Variants in CPS1 observed in about 807,000 individuals in gnomAD.
The protein encoded by CPS1 is carbamoyl-phosphate synthase 1.
In CPS1, 109 loss-of-function variants were observed where a neutral mutation model predicts 174.6. The observed-to-expected ratio is 0.62, with a 90% CI of 0.53 to 0.73. The LOEUF is 0.73. Ranked by LOEUF, CPS1 falls within the 30% of genes least tolerant of loss-of-function variation. CPS1 has a pLI of 0.00. For synonymous variants in CPS1, 637 were observed against 632.0 expected (o/e 1.01, Z -0.12); for missense variants, 1,689 against 1,821.9 (o/e 0.93, Z 1.33).
At chr2:210,648,636 G>A (rs983174104) in intron 27 of CPS1, 96 bp downstream of exon 27, 1 of 983,328 alleles carries the variant, frequency 1.0e-6, no homozygotes, top group South Asian at 1.3e-5. Flanking sequence ...TCTATATGTA[G>A]TAATTTATAA....
intron 1 of CPS1, among the ~76,000 whole-genome samples, chr2:210,506,433 A>G (rs972515124): frequency 1.4e-4 from 21 of 152,042 alleles, no homozygotes; most frequent in Non-Finnish European, 4.4e-5. Flanking sequence ...AAAGATGGGG[A>G]AAAAACAGAG....
At chr2:210,622,366 A>G (rs995307599) in intron 21 of CPS1, among the ~76,000 whole-genome samples, 2 of 151,864 alleles carry the variant, frequency 1.3e-5, no homozygotes, top group Non-Finnish European at 2.9e-5. Flanking sequence ...AATATATTAA[A>G]TATATGTAAA....
chr2:210,639,618 C>CAAAAA lies in CPS1; in HGVS notation c.2896-356_2896-352dup, dbSNP rs397987630. Reference sequence around the variant, plus strand: ...TGGGCGACAGAGCGAGACTCCGTCTCAAAAAAAAAAAAAAAAAAAAAAAAA... The same window carrying CAAAAA: ...TGGGCGACAGAGCGAGACTCCGTCTCAAAAAAAAAAAAAAAAAAAAAAAAAAAAAA... On this transcript the variant is annotated intron_variant, in intron 23 of 37. Transcript: ENST00000233072. Among the ~76,000 whole-genome samples the CAAAAA allele has an allele frequency of 9.4e-5, 3 of 32,048 alleles. 1 individual carries two copies. The highest frequency in any genetic ancestry group is 2.1e-4 in the Non-Finnish European group (3 of 14,550). 21.0% of individuals were successfully genotyped at this position (32,048 alleles called of 152,430 possible). A position where few individuals can be genotyped will look rare whatever the true frequency, so the allele number is the denominator to read the frequency against.
rs1424961549 is a variant in CPS1 at position 210,616,591 on chromosome 2, TA to T, written c.2687+53del. The T allele has an allele frequency of 3.7e-6, 4 of 1,067,646 alleles. No homozygotes were observed. In the East Asian group the frequency reaches 9.5e-5, roughly 25 times the overall value. The allele number at this position is 1,067,646 out of a possible 1,614,324, so 66.1% of individuals were successfully genotyped here. ...TGCCAGACACCTTCAGTGCAATTTT[TA>T]AAGAGTCTTCTTCCTACTCTTAAGC... On this transcript the variant is annotated intron_variant, in intron 21 of 37. Coordinates refer to ENST00000233072, the MANE Select transcript of CPS1 (RefSeq NM_001875.5).
At chr2:210,598,550 G>C (rs1698584042) in intron 13 of CPS1, among the ~76,000 whole-genome samples, 1 of 146,458 alleles carries the variant, frequency 6.8e-6, no homozygotes, top group South Asian at 2.1e-4. Context: ...GAAAAAAAAA[G>C]GGGATACAAT....
chr2:210,495,851 T>C (rs544396867), intron 1 of CPS1, among the ~76,000 whole-genome samples: 5 of 152,190 alleles, frequency 3.3e-5, no homozygotes, highest in Admixed American at 6.6e-5. Flanking sequence ...TATATGTGAC[T>C]GTGTATGTGT....
In CPS1 at chr2:210,678,135, A is replaced by C. The variant is rs1181617197; in HGVS notation, c.*150A>C. ...TGCCTTAATATTCTGTGTCTTTTGC[A>C]ATTAAATTGTCAGTCACTTCTTCAA... On this transcript the variant is annotated 3_prime_UTR_variant, in exon 38 of 38. Coordinates refer to ENST00000233072, the MANE Select transcript of CPS1 (RefSeq NM_001875.5). 2 of 743,284 alleles carry C rather than the reference A, an allele frequency of 2.7e-6. No homozygotes were observed. The highest frequency in any genetic ancestry group is 3.9e-5 in the Admixed American group (2 of 50,750). 46.0% of individuals were successfully genotyped at this position (743,284 alleles called of 1,614,324 possible). A position where few individuals can be genotyped will look rare whatever the true frequency, so the allele number is the denominator to read the frequency against.
chr2:210,660,836 T>C (rs1700895370), intron 32 of CPS1, among the ~76,000 whole-genome samples, 181 bp downstream of exon 32: 1 of 152,230 alleles, frequency 6.6e-6, no homozygotes, highest in Non-Finnish European at 1.5e-5. Flanking sequence ...TGAACTGTTG[T>C]ACATTTCAAA....
chr2:210,556,504 C>T, upstream of CPS1: 1 of 1,297,068 alleles, frequency 7.7e-7, no homozygotes, highest in Non-Finnish European at 1.1e-6. Flanking sequence ...TGTTACATGC[C>T]CATGGAACAT....
chr2:210,504,533 T>C (rs868710837), intron 1 of CPS1, among the ~76,000 whole-genome samples: 1 of 152,308 alleles, frequency 6.6e-6, no homozygotes, highest in Non-Finnish European at 1.5e-5. Context: ...AGTTGCTCAA[T>C]GTCATGCAGC....
Position 210,606,267 on chromosome 2 carries a change from C to T in CPS1, c.1982-464C>T, listed in dbSNP as rs139673087. Among the ~76,000 whole-genome samples, 100 of 151,828 alleles carry T rather than the reference C, an allele frequency of 6.6e-4. 1 individual carries two copies. Among genetic ancestry groups the T allele is most frequent in the African/African-American group, 2.2e-3 (91 of 41,448 alleles). Reference sequence around the variant, plus strand: ...TCTGGCAATGTTGGGAGAAGACTTCCGGAGGCAGTGAAGATCTGAGCGTGT... The same window carrying T: ...TCTGGCAATGTTGGGAGAAGACTTCTGGAGGCAGTGAAGATCTGAGCGTGT... On this transcript the variant is annotated intron_variant, in intron 17 of 37. Coordinates refer to ENST00000233072, the MANE Select transcript of CPS1 (RefSeq NM_001875.5).
intron 1 of CPS1, among the ~76,000 whole-genome samples, chr2:210,558,062 C>T (rs149034700): frequency 2.6e-5 from 4 of 151,702 alleles, no homozygotes; most frequent in Admixed American, 6.6e-5. Context: ...GAGAAACTAG[C>T]TCAAGATCCC....
chr2:210,529,919 A>G (rs963944329), intron 1 of CPS1, among the ~76,000 whole-genome samples: 13 of 152,064 alleles, frequency 8.5e-5, no homozygotes, highest in Admixed American at 7.2e-4. Context: ...TTTAGTCAAA[A>G]GCATTTTCAA....
upstream of CPS1, chr2:210,556,417 T>A: frequency 1.8e-6 from 1 of 553,542 alleles, no homozygotes; most frequent in South Asian, 1.5e-5. Context: ...AAACAATTCC[T>A]TTGATGGATG....
At chr2:210,656,659 G>A in intron 30 of CPS1, 27 bp downstream of exon 30, 1 of 1,555,182 alleles carries the variant, frequency 6.4e-7, no homozygotes, top group Non-Finnish European at 8.9e-7. Context: ...AAAAGTGGAA[G>A]GGAAAAGGCA....
intron 21 of CPS1, among the ~76,000 whole-genome samples, chr2:210,633,229 G>C (rs1699924878): frequency 6.6e-6 from 1 of 151,970 alleles, no homozygotes; most frequent in South Asian, 2.1e-4. Flanking sequence ...GGGCAGGGGA[G>C]CAGTAACAGT....
In CPS1 at chr2:210,576,419, G is replaced by A. The variant is rs1559084640; in HGVS notation, c.310G>A (p.Gly104Ser). The change falls in exon 3 of 38, where the codon GGT (glycine) becomes AGT (serine). Residue 104 changes from glycine (G) to serine (S), a missense_variant. Coordinates refer to ENST00000233072, the MANE Select transcript of CPS1 (RefSeq NM_001875.5). ...AATGGCCAACCCTATTATTGGGAAT[G>A]GTGGAGCTCCTGATACTACTGCTCT... ...LTMANPIIGN[G>S]GAPDTTALDE... 6.2e-7 allele frequency: 1 copy of A among 1,613,738 alleles called. No individual in the cohort carries two copies. The highest frequency in any genetic ancestry group is 8.5e-7 in the Non-Finnish European group (1 of 1,179,732).
intron 1 of CPS1, among the ~76,000 whole-genome samples, chr2:210,509,427 C>T (rs954009021): frequency 6.6e-6 from 1 of 152,152 alleles, no homozygotes. Context: ...CAATATCATA[C>T]TGAATGGGCA....
chr2:210,570,806 A>G (rs1253771189), intron 1 of CPS1, among the ~76,000 whole-genome samples: 2 of 151,906 alleles, frequency 1.3e-5, no homozygotes, highest in Non-Finnish European at 2.9e-5. Flanking sequence ...CATTACTTAG[A>G]CGAGAGGTTT....
Sources: gnomAD v4.1 joint callset for allele counts (sites outside exome capture counted in the v4.1 genomes callset) on GRCh38, gnomAD v4.1.1 for gene constraint, MANE v1.5 for transcripts, NCBI Gene and HGNC (gene_info 2026-07-23, HGNC 2026-07-21) for gene names.